The following ZNF560 variants were observed in gnomAD, a reference collection of about 807,000 sequenced individuals.
ZNF560 encodes the protein zinc finger protein 560.
In ZNF560, 54 loss-of-function variants were observed where a neutral mutation model predicts 81.8. The ratio of observed to expected loss-of-function variants is 0.66; its 90% CI spans 0.53 to 0.83. The LOEUF is 0.83. Among genes scored for constraint, ZNF560 ranks in the 40% least tolerant of loss-of-function variants. The pLI, the probability that ZNF560 is intolerant of heterozygous loss-of-function variation, is 0.00. For missense variants in ZNF560, 940 were observed against 932.4 expected (o/e 1.01, Z -0.11); for synonymous variants, 321 against 317.9 (o/e 1.01, Z -0.10).
intron 2 of ZNF560, among the ~76,000 whole-genome samples, chr19:9,476,597 T>C (rs2073206254): frequency 6.6e-6 from 1 of 152,088 alleles, no homozygotes; most frequent in Non-Finnish European, 1.5e-5. Flanking sequence ...GCCAATCTGA[T>C]GGTTTTATAA....
chr19:9,475,798 G>C (rs2073192309), intron 2 of ZNF560, among the ~76,000 whole-genome samples: 2 of 151,946 alleles, frequency 1.3e-5, no homozygotes, highest in African/African-American at 4.8e-5. Flanking sequence ...AGTAGAGATG[G>C]GGTTTCACCG....
chr19:9,492,864 T>A (rs964330908), intron 2 of ZNF560, among the ~76,000 whole-genome samples: 8 of 152,160 alleles, frequency 5.3e-5, no homozygotes, highest in Non-Finnish European at 7.3e-5. Flanking sequence ...TAGAGCACTG[T>A]AATTTGGAGA....
the ZNF560 span, among the ~76,000 whole-genome samples, chr19:9,447,991 C>A: frequency 6.6e-6 from 1 of 152,132 alleles, no homozygotes; most frequent in Admixed American, 6.6e-5. Flanking sequence ...AAGGGAATCT[C>A]GTCATCAGGC....
At chr19:9,497,047 C>T (rs1345541401) in intron 2 of ZNF560, among the ~76,000 whole-genome samples, 1 of 151,758 alleles carries the variant, frequency 6.6e-6, no homozygotes, top group African/African-American at 2.4e-5. Flanking sequence ...GCGTGGTAAG[C>T]GGTGGTTGCA....
downstream of ZNF560, among the ~76,000 whole-genome samples, chr19:9,463,885 G>A (rs1268189785): frequency 4.6e-5 from 7 of 152,122 alleles, no homozygotes; most frequent in African/African-American, 1.7e-4. Context: ...GTTTTGCCAT[G>A]TTGCCCGGGC....
chr19:9,471,329 A>G lies in ZNF560; in HGVS notation c.288T>C (p.Phe96=). 6.2e-7 allele frequency: 1 copy of G among 1,601,680 alleles called. No individual in the cohort carries two copies. The highest frequency in any genetic ancestry group is 8.5e-7 in the Non-Finnish European group (1 of 1,175,154). Residue 96 remains phenylalanine (F), a synonymous_variant, in exon 6 of 10, where the codon TTT becomes TTC. Transcript: ENST00000301480. The part of the protein sequence containing the change: ...QTSVSALQQE[F]WKIQTSNGIQ... ...TCCCATTAGAAGTTTGTATTTTCCA[A>G]AACTCCTGCTGCAGTGCTGAAACAC...
downstream of ZNF560, among the ~76,000 whole-genome samples, chr19:9,464,319 G>A (rs917378239): frequency 1.3e-5 from 2 of 152,180 alleles, no homozygotes; most frequent in African/African-American, 4.8e-5. Flanking sequence ...AGTTAACTGA[G>A]TCAGGCATAT....
At chr19:9,499,654 T>C (rs2073615578), upstream of ZNF560, among the ~76,000 whole-genome samples, 1 of 152,240 alleles carries the variant, frequency 6.6e-6, no homozygotes, top group Non-Finnish European at 1.5e-5. Flanking sequence ...CTGTTGGACT[T>C]GTGGTAGAGA....
At chr19:9,469,018 G>A (rs1345956458) in intron 9 of ZNF560, 87 bp downstream of exon 9, 54 of 1,071,660 alleles carry the variant, frequency 5.0e-5, no homozygotes, top group Middle Eastern at 2.0e-4. Flanking sequence ...ATGAGCCACC[G>A]TGCCTGGCCA....
At chr19:9,451,165 C>A in the ZNF560 span, among the ~76,000 whole-genome samples, 1 of 152,046 alleles carries the variant, frequency 6.6e-6, no homozygotes, top group African/African-American at 2.4e-5. Flanking sequence ...CCCAAATAGC[C>A]AAAGCAATCC....
intron 2 of ZNF560, among the ~76,000 whole-genome samples, chr19:9,478,396 A>C (rs1264233031): frequency 6.6e-6 from 1 of 152,208 alleles, no homozygotes; most frequent in African/African-American, 2.4e-5. Context: ...CCTAATAAGA[A>C]ATGCTAAAGG....
At chr19:9,506,422 T>C in the ZNF560 span, among the ~76,000 whole-genome samples, 1 of 151,774 alleles carries the variant, frequency 6.6e-6, no homozygotes, top group Non-Finnish European at 1.5e-5. Flanking sequence ...TTGTTTTTTT[T>C]TTTTTTGCAA....
upstream of ZNF560, among the ~76,000 whole-genome samples, chr19:9,499,299 C>CGAGT (rs955606884): frequency 1.3e-5 from 2 of 152,160 alleles, no homozygotes; most frequent in Middle Eastern, 3.4e-3. Flanking sequence ...CTCAGCCTCC[C>CGAGT]GAGTAGCTGG....
chr19:9,483,976 T>G (rs752090500), intron 2 of ZNF560, among the ~76,000 whole-genome samples: 2 of 152,212 alleles, frequency 1.3e-5, no homozygotes, highest in Non-Finnish European at 2.9e-5. Flanking sequence ...GGGTTGCTGT[T>G]GATCTGTGAC....
chr19:9,469,489 G>A, intron 8 of ZNF560, 141 bp downstream of exon 8: 1 of 716,810 alleles, frequency 1.4e-6, no homozygotes. Flanking sequence ...AGCAATGGAG[G>A]ATGAAAAGTT....
Position 9,481,607 on chromosome 19 carries a change from G to A in ZNF560, c.-56-6238C>T, listed in dbSNP as rs150732828. 1.9e-3 allele frequency among the ~76,000 whole-genome samples: 283 copies of A among 152,244 alleles called. 1 individual carries two copies. Among genetic ancestry groups the A allele is most frequent in the African/African-American group, 6.5e-3 (270 of 41,562 alleles). On this transcript the variant is annotated intron_variant, in intron 2 of 9. Transcript: ENST00000301480. ...AATCAAACCACCCCATAAAAAAGTGGGCAAAGGACATGAACAGACACTTTT... is the reference window on the plus strand; with the variant it reads ...AATCAAACCACCCCATAAAAAAGTGAGCAAAGGACATGAACAGACACTTTT...
upstream of ZNF560, among the ~76,000 whole-genome samples, chr19:9,500,340 G>A (rs117536078): frequency 6.8e-6 from 1 of 147,814 alleles, no homozygotes; most frequent in South Asian, 2.1e-4. Context: ...TTTGCAGTGA[G>A]TGGAGATGGC....
chr19:9,471,723 G>A (rs2073125414), intron 5 of ZNF560, among the ~76,000 whole-genome samples: 1 of 152,186 alleles, frequency 6.6e-6, no homozygotes, highest in Non-Finnish European at 1.5e-5. Flanking sequence ...GAAAGTTGGA[G>A]TAGATGGAAA....
rs771855970 is a variant in ZNF560 at position 9,467,569 on chromosome 19, A to G, written c.1378T>C (p.Tyr460His). ...GCCTTCCCATATTCCTTATGCTCATATGGCTTCTCTCCATTATGAACTCTC... is the reference window on the plus strand; with the variant it reads ...GCCTTCCCATATTCCTTATGCTCATGTGGCTTCTCTCCATTATGAACTCTC... ...HLRVHNGEKP[Y>H]EHKEYGKAFG... Residue 460 changes from tyrosine (Y) to histidine (H), a missense_variant, in exon 10 of 10, where the codon TAT becomes CAT. Physicochemically the swap from Tyr to His is moderately conservative, Grantham distance 83. Transcript: ENST00000301480. The G allele has an allele frequency of 3.1e-6, 5 of 1,614,146 alleles. No homozygotes were observed. The highest frequency in any genetic ancestry group is 3.3e-5 in the Admixed American group (2 of 60,030).
Sources: gnomAD v4.1 joint callset for allele counts (sites outside exome capture counted in the v4.1 genomes callset) on GRCh38, gnomAD v4.1.1 for gene constraint, MANE v1.5 for transcripts, NCBI Gene and HGNC (gene_info 2026-07-23, HGNC 2026-07-21) for gene names.